Variants in POLQ observed in about 807,000 individuals in gnomAD.
POLQ encodes the protein epididymis secretory sperm binding protein.
Under a neutral mutation model 259.2 loss-of-function variants are expected in POLQ, and 233 were observed. That is an observed-to-expected ratio of 0.90 (90% CI 0.81 to 1.00). POLQ has a LOEUF of 1.00. POLQ is among the 50% of genes least tolerant of loss of function. POLQ has a pLI of 0.00. For synonymous variants in POLQ, 1,025 were observed against 1,048.8 expected, an observed-to-expected ratio of 0.98 and a Z score of 0.44; for missense variants, 2,871 against 3,051.6, an observed-to-expected ratio of 0.94 and a Z score of 1.39.
chr3:121,467,581 C>G lies in POLQ; in HGVS notation c.6905G>C (p.Arg2302Thr), dbSNP rs756115703. 4 of 1,613,954 alleles carry G rather than the reference C, an allele frequency of 2.5e-6. No homozygotes were observed. Among genetic ancestry groups the G allele is most frequent in the Non-Finnish European group, 1.7e-6 (2 of 1,179,782 alleles). ...AAATGGCATTCCTCTGTCTGCAGCTCTCTCCTCCATCTGTGCCTGGCATCT... is the reference window on the plus strand; with the variant it reads ...AAATGGCATTCCTCTGTCTGCAGCTGTCTCCTCCATCTGTGCCTGGCATCT... ...NPRCQAQMEERAADRGMPFSI... is the reference protein window; with the variant it reads ...NPRCQAQMEETAADRGMPFSI... Residue 2302 changes from arginine (R) to threonine (T), a missense_variant, in exon 24 of 30, where the codon AGA (arginine) becomes ACA (threonine). This residue lies in a region of POLQ where 2,080 missense variants were observed against 2,126.0 expected (regional missense o/e 0.98). Transcript: ENST00000264233.
intron 25 of POLQ, among the ~76,000 whole-genome samples, chr3:121,458,100 T>C (rs1338039917): frequency 1.3e-5 from 2 of 151,918 alleles, no homozygotes; most frequent in Admixed American, 6.6e-5. Context: ...ATGGATGAAA[T>C]TGGAAATCAT....
chr3:121,525,905 A>G (rs1360917082), intron 7 of POLQ, among the ~76,000 whole-genome samples: 1 of 151,180 alleles, frequency 6.6e-6, no homozygotes, highest in Non-Finnish European at 1.5e-5. Flanking sequence ...TTTTTTTGCC[A>G]TTTTCACAAT....
rs1576425338 is a variant in POLQ at position 121,522,045 on chromosome 3, A to G, written c.1213T>C (p.Leu405=). 2 of 1,604,540 alleles carry G rather than the reference A, an allele frequency of 1.2e-6. No individual in the cohort carries two copies. Residue 405 remains leucine, a synonymous_variant, in exon 8 of 30, where the codon TTA becomes CTA. Coordinates refer to ENST00000264233, the MANE Select transcript of POLQ (RefSeq NM_199420.4). The part of the protein sequence containing the change: ...RRLPSGLDSV[L]QKTVPWGVAF... ...ACTCCCCATGGTACAGTTTTCTGTA[A>G]TACAGAGTCCAGTCCTGAAGGCAAA...
At chr3:121,474,542 T>A (rs2047910938) in intron 20 of POLQ, among the ~76,000 whole-genome samples, 1 of 152,240 alleles carries the variant, frequency 6.6e-6, no homozygotes, top group Non-Finnish European at 1.5e-5. Context: ...GTAATAATTC[T>A]AAAAATTGAA....
rs368156717 is a variant in POLQ, at chr3:121,451,788, G to A, written c.7153-2362C>T. On this transcript the variant is annotated intron_variant, in intron 25 of 29. Coordinates refer to ENST00000264233, the MANE Select transcript of POLQ (RefSeq NM_199420.4). ...CGTTCTCAGATCTCAAACTCCGTGC[G>A]GGGAGAACCACTACTCTCTTCAAAG... Among the ~76,000 whole-genome samples the A allele has an allele frequency of 4.6e-5, 7 of 152,250 alleles. No homozygotes were observed. In the East Asian group the frequency reaches 1.2e-3, roughly 25 times the overall value.
intron 6 of POLQ, among the ~76,000 whole-genome samples, chr3:121,531,858 A>T (rs78513687): frequency 0.014 from 2,123 of 152,344 alleles, 52 homozygotes; most frequent in African/African-American, 0.049. Context: ...AGCAAGCAAG[A>T]TTCCATACCA....
At chr3:121,545,589 G>A in intron 1 of POLQ, 126 bp downstream of exon 1, 1 of 878,350 alleles carries the variant, frequency 1.1e-6, no homozygotes, top group Non-Finnish European at 1.7e-6. Context: ...CCCAGTCACA[G>A]AGAAGGGGAG....
At position 121,432,095 on chromosome 3, in the gene POLQ, T is replaced by G; in HGVS notation, c.*209A>C. Reference sequence around the variant, plus strand: ...TTGAAAGTGAATGTAACTATTATACTTGGTATTCTACTTCCCCCACGCCCC... The same window carrying G: ...TTGAAAGTGAATGTAACTATTATACGTGGTATTCTACTTCCCCCACGCCCC... On this transcript the variant is annotated 3_prime_UTR_variant, in exon 30 of 30. Coordinates refer to ENST00000264233, the MANE Select transcript of POLQ (RefSeq NM_199420.4). 2.2e-6 allele frequency: 1 copy of G among 451,368 alleles called. No homozygotes were observed. Among genetic ancestry groups the G allele is most frequent in the South Asian group, 5.7e-5 (1 of 17,454 alleles). 28.0% of individuals were successfully genotyped at this position (451,368 alleles called of 1,614,324 possible).
intron 4 of POLQ, among the ~76,000 whole-genome samples, chr3:121,538,186 G>T (rs989444810): frequency 4.1e-4 from 62 of 152,064 alleles, no homozygotes; most frequent in African/African-American, 1.4e-3. Context: ...AAACATAAGA[G>T]GGTCCAGAAG....
Position 121,509,569 on chromosome 3 carries a change from G to C in POLQ, c.1951C>G (p.Leu651Val). Reference protein sequence around the residue: ...GFVLENDLHILYLVTPMFEDW... With the variant: ...GFVLENDLHIVYLVTPMFEDW... ...GTTAAAACAGAACTTACCAGATAGA[G>C]AATATGAAGATCATTCTCTAAAACA... Residue 651 changes from leucine to valine, a missense_variant, in exon 12 of 30, where the codon CTC (leucine) becomes GTC (valine). By Grantham distance (32) the Leu-to-Val change is conservative (BLOSUM62 1). This residue lies in a region of POLQ where 783 missense variants were observed against 906.2 expected (regional missense o/e 0.86). Coordinates refer to ENST00000264233, the MANE Select transcript of POLQ (RefSeq NM_199420.4). The C allele has an allele frequency of 1.2e-6, 2 of 1,611,298 alleles. No homozygotes were observed.
chr3:121,534,468 T>G (rs1443311029), intron 5 of POLQ, among the ~76,000 whole-genome samples: 1 of 151,920 alleles, frequency 6.6e-6, no homozygotes, highest in Admixed American at 6.6e-5. Context: ...GGATTGCAGG[T>G]ATGCATCACC....
intron 12 of POLQ, among the ~76,000 whole-genome samples, chr3:121,502,541 T>C (rs2048179611): frequency 6.6e-6 from 1 of 152,000 alleles, no homozygotes; most frequent in African/African-American, 2.4e-5. Context: ...CCATAACATA[T>C]AAAATTCACA....
At chr3:121,524,868 T>C (rs2108814546) in intron 7 of POLQ, among the ~76,000 whole-genome samples, 1 of 152,132 alleles carries the variant, frequency 6.6e-6, no homozygotes, top group East Asian at 1.9e-4. Context: ...TTCTTATAAA[T>C]AATACCTCAG....
chr3:121,453,136 G>C (rs532447036), intron 25 of POLQ, among the ~76,000 whole-genome samples: 68 of 152,334 alleles, frequency 4.5e-4, no homozygotes, highest in Non-Finnish European at 8.7e-4. Flanking sequence ...CCAAGGTCTG[G>C]AGTGGACATC....
intron 25 of POLQ, among the ~76,000 whole-genome samples, chr3:121,454,613 A>C (rs539357121): frequency 3.3e-5 from 5 of 152,224 alleles, no homozygotes; most frequent in African/African-American, 4.8e-5. Context: ...CTTTAAACCA[A>C]CAAAGATCAA....
chr3:121,530,530 C>T (rs549086554), intron 6 of POLQ, among the ~76,000 whole-genome samples: 5 of 152,098 alleles, frequency 3.3e-5, no homozygotes, highest in African/African-American at 7.2e-5. Context: ...GAGAGTTTTA[C>T]GGTGTTTTGA....
intron 6 of POLQ, among the ~76,000 whole-genome samples, chr3:121,532,086 C>A (rs2048415328): frequency 6.6e-6 from 1 of 152,166 alleles, no homozygotes; most frequent in Non-Finnish European, 1.5e-5. Context: ...ACTTATTTAT[C>A]AAGTAACTTT....
At chr3:121,498,771 T>C (rs1199329155) in intron 12 of POLQ, 101 bp from the exon 13 acceptor site, 2 of 823,010 alleles carry the variant, frequency 2.4e-6, no homozygotes, top group Admixed American at 2.6e-5. Context: ...CATGATGGTA[T>C]GTGCCTGTAG....
intron 15 of POLQ, among the ~76,000 whole-genome samples, 153 bp downstream of exon 15, chr3:121,493,325 A>G (rs2048086583): frequency 6.6e-6 from 1 of 152,188 alleles, no homozygotes; most frequent in Non-Finnish European, 1.5e-5. Flanking sequence ...GTAATCTGCA[A>G]TGGGGAAAAA....
Sources: allele counts gnomAD v4.1 joint callset (sites outside exome capture counted in the v4.1 genomes callset), GRCh38; gene constraint gnomAD v4.1.1; regional missense constraint gnomAD v4.1.1; transcripts MANE v1.5; gene names NCBI Gene and HGNC (gene_info 2026-07-23, HGNC 2026-07-21).